MAP6: variants seen among roughly 807,000 people sequenced by gnomAD.
The protein encoded by MAP6 is microtubule-associated protein 6.
MAP6 carries 26 observed loss-of-function variants against 42.4 expected under a neutral mutation model. That is an observed-to-expected ratio of 0.61 (90% CI 0.45 to 0.85). The LOEUF is 0.85. Ranked by LOEUF, MAP6 falls within the 40% of genes least tolerant of loss-of-function variation. MAP6 has a pLI of 0.00. For missense variants in MAP6, 966 were observed against 1,099.0 expected (o/e 0.88, Z 1.71); for synonymous variants, 418 against 443.8 (o/e 0.94, Z 0.73).
Position 75,587,075 on chromosome 11 carries a change from A to G in MAP6, c.2426T>C (p.Ile809Thr). ...MIPTAPHTEY[I>T]ESSP Reference sequence around the variant, plus strand: ...GGGTGAGTGTCAAGGGGAGCTCTCAATGTATTCCGTATGGGGGGCAGTTGG... The same window carrying G: ...GGGTGAGTGTCAAGGGGAGCTCTCAGTGTATTCCGTATGGGGGGCAGTTGG... Residue 809 changes from isoleucine to threonine, a missense_variant, in exon 4 of 4, where the codon ATT (isoleucine) becomes ACT (threonine). Physicochemically the swap from Ile to Thr is moderately conservative, Grantham distance 89 (BLOSUM62 -1). This residue lies in a region of MAP6 where 943 missense variants were observed against 1,049.9 expected (regional missense o/e 0.90). Coordinates refer to ENST00000304771, the MANE Select transcript of MAP6 (RefSeq NM_033063.2). 2 of 1,592,852 alleles carry G rather than the reference A, an allele frequency of 1.3e-6. No homozygotes were observed. The highest frequency in any genetic ancestry group is 1.7e-6 in the Non-Finnish European group (2 of 1,167,186).
Position 75,667,841 on chromosome 11 carries a change from G to A in MAP6, c.529C>T (p.Pro177Ser). The part of the protein sequence containing the change: ...RRGDHPWIPK[P>S]VQISAASQAS... ...TGGGAGGCCGCAGAGATCTGCACGG[G>A]CTTGGGGATCCACGGGTGGTCCCCG... is the stretch of plus-strand genomic sequence containing the variant. The change falls in exon 1 of 4, where the codon CCC becomes TCC. Residue 177 changes from proline (P) to serine (S), a missense_variant. Transcript: ENST00000304771. This position sits in a 1 kb window ranked among gnomAD's most constrained non-coding sequence, Gnocchi z 5.6. 2 of 1,420,638 alleles carry A rather than the reference G, an allele frequency of 1.4e-6. No individual in the cohort carries two copies. Among genetic ancestry groups the A allele is most frequent in the Non-Finnish European group, 1.8e-6 (2 of 1,083,448 alleles). The allele number at this position is 1,420,638 out of a possible 1,614,324, so 88.0% of individuals were successfully genotyped here.
At chr11:75,631,329 A>T (rs949819825) in intron 1 of MAP6, among the ~76,000 whole-genome samples, 1 of 152,202 alleles carries the variant, frequency 6.6e-6, no homozygotes, top group Non-Finnish European at 1.5e-5. Context: ...TAACTTCAAG[A>T]ACTACCCTCC....
Position 75,617,569 on chromosome 11 carries a change from T to C in MAP6, c.906-9247A>G, listed in dbSNP as rs959846093. Among the ~76,000 whole-genome samples, 68 of 150,726 alleles carry C rather than the reference T, an allele frequency of 4.5e-4. 1 individual carries two copies. The highest frequency in any genetic ancestry group is 9.1e-4 in the Non-Finnish European group (62 of 67,770). Reference sequence around the variant, plus strand: ...CAAAAACTCAAACTAGGAGTCAGTTTGATTCTACACAAATTAATTTCAATT... The same window carrying C: ...CAAAAACTCAAACTAGGAGTCAGTTCGATTCTACACAAATTAATTTCAATT... On this transcript the variant is annotated intron_variant, in intron 1 of 3. Coordinates refer to ENST00000304771, the MANE Select transcript of MAP6 (RefSeq NM_033063.2).
At chr11:75,618,893 C>T (rs533920490) in intron 1 of MAP6, among the ~76,000 whole-genome samples, 62 of 152,348 alleles carry the variant, frequency 4.1e-4, no homozygotes, top group Non-Finnish European at 5.9e-4. Context: ...TGGGACCCCT[C>T]GGCCACTGCC....
At chr11:75,613,226 A>G (rs1391508773) in intron 1 of MAP6, among the ~76,000 whole-genome samples, 1 of 150,966 alleles carries the variant, frequency 6.6e-6, no homozygotes, top group East Asian at 2.0e-4. Flanking sequence ...TGGTCAGCTG[A>G]TGTCACCTCC....
intron 1 of MAP6, 65 bp from the exon 2 acceptor site, chr11:75,608,387 C>T: frequency 7.5e-7 from 1 of 1,333,702 alleles, no homozygotes; most frequent in Non-Finnish European, 1.1e-6. Flanking sequence ...GCTCCTGACA[C>T]AGGGCTGCAA....
intron 3 of MAP6, among the ~76,000 whole-genome samples, chr11:75,598,035 C>T (rs1052662547): frequency 3.9e-5 from 6 of 152,332 alleles, no homozygotes; most frequent in East Asian, 1.9e-4. Flanking sequence ...GGGCCCTCAC[C>T]GCAGGCCTGG....
chr11:75,653,405 A>C (rs1026858481), intron 1 of MAP6, among the ~76,000 whole-genome samples: 1 of 152,216 alleles, frequency 6.6e-6, no homozygotes, highest in Non-Finnish European at 1.5e-5. Context: ...CTTGGCTAGC[A>C]AGTCATCACA....
intron 1 of MAP6, among the ~76,000 whole-genome samples, chr11:75,611,674 A>C (rs891741102): frequency 6.6e-6 from 1 of 152,222 alleles, no homozygotes; most frequent in Non-Finnish European, 1.5e-5. Flanking sequence ...CTCTCCATAA[A>C]ACCTTCTCTA....
At chr11:75,653,168 CGA>C (rs1220737916) in intron 1 of MAP6, among the ~76,000 whole-genome samples, 2 of 152,120 alleles carry the variant, frequency 1.3e-5, no homozygotes, top group African/African-American at 2.4e-5. Context: ...ATTCACTCGC[CGA>C]GAGTCATTCT....
intron 1 of MAP6, among the ~76,000 whole-genome samples, chr11:75,622,929 G>A (rs1943133728): frequency 6.6e-6 from 1 of 152,170 alleles, no homozygotes; most frequent in Non-Finnish European, 1.5e-5. Context: ...TAGCTTGAAA[G>A]CATCCATGTG....
intron 1 of MAP6, among the ~76,000 whole-genome samples, chr11:75,648,441 T>A (rs553022227): frequency 1.3e-5 from 2 of 152,242 alleles, no homozygotes; most frequent in South Asian, 4.1e-4. Flanking sequence ...GAAACACAAA[T>A]GAGCTGTGAT....
chr11:75,621,851 C>T (rs183968357), intron 1 of MAP6, among the ~76,000 whole-genome samples: 27 of 152,132 alleles, frequency 1.8e-4, no homozygotes, highest in African/African-American at 6.0e-4. Context: ...GGGGAAACCT[C>T]GTCTCTACTA....
chr11:75,605,869 T>C lies in MAP6; in HGVS notation c.1255A>G (p.Thr419Ala), dbSNP rs369673637. 1 of 1,614,040 alleles carries C rather than the reference T, an allele frequency of 6.2e-7. No homozygotes were observed. The highest frequency in any genetic ancestry group is 1.3e-5 in the African/African-American group (1 of 74,912). The change falls in exon 3 of 4, where the codon ACC (threonine) becomes GCC (alanine). Residue 419 changes from threonine (T) to alanine (A), a missense_variant. Physicochemically the swap from Thr to Ala is moderately conservative, Grantham distance 58. Coordinates refer to ENST00000304771, the MANE Select transcript of MAP6 (RefSeq NM_033063.2). ...CTTTGCTCCTTGTCGTCTGGCTTGGTGGTACTCGGGCCCTCCGCGCTCTTT... is the reference window on the plus strand; with the variant it reads ...CTTTGCTCCTTGTCGTCTGGCTTGGCGGTACTCGGGCCCTCCGCGCTCTTT... ...KKKSAEGPST[T>A]KPDDKEQSKE...
intron 1 of MAP6, among the ~76,000 whole-genome samples, chr11:75,639,797 C>T (rs1046294933): frequency 1.3e-5 from 2 of 152,092 alleles, no homozygotes; most frequent in Admixed American, 6.5e-5. Context: ...GAGACAGACA[C>T]ACACACAGAG....
rs186479998 is a variant in MAP6, at chr11:75,633,596, A to T, written c.906-25274T>A. Among the ~76,000 whole-genome samples the T allele has an allele frequency of 1.6e-3, 242 of 152,306 alleles. 1 individual carries two copies. The highest frequency in any genetic ancestry group is 5.4e-3 in the African/African-American group (224 of 41,568). On this transcript the variant is annotated intron_variant, in intron 1 of 3. Coordinates refer to ENST00000304771, the MANE Select transcript of MAP6 (RefSeq NM_033063.2). The stretch of plus-strand genomic sequence containing the variant: ...GTGGTGGGAAGTTCCAACAAGAATA[A>T]TAAAGGTGACAGAGAGTCACATGTG...
intron 1 of MAP6, among the ~76,000 whole-genome samples, chr11:75,623,143 A>G (rs1943136979): frequency 6.6e-6 from 1 of 152,256 alleles, no homozygotes; most frequent in Non-Finnish European, 1.5e-5. Context: ...GTATCCATAT[A>G]ATGGAATACT....
At chr11:75,654,208 A>C (rs1304982259) in intron 1 of MAP6, among the ~76,000 whole-genome samples, 1 of 152,234 alleles carries the variant, frequency 6.6e-6, no homozygotes, top group Non-Finnish European at 1.5e-5. Flanking sequence ...AATACATGGT[A>C]AGCAGGACTT....
At chr11:75,650,408 T>G (rs568359316) in intron 1 of MAP6, among the ~76,000 whole-genome samples, 1 of 152,342 alleles carries the variant, frequency 6.6e-6, no homozygotes, top group South Asian at 2.1e-4. Context: ...GTACTTTCCC[T>G]GCCAAGCATT....
Sources: allele counts gnomAD v4.1 joint callset (sites outside exome capture counted in the v4.1 genomes callset), GRCh38; gene constraint gnomAD v4.1.1; regional missense constraint gnomAD v4.1.1; non-coding constraint Gnocchi (gnomAD v3.1); transcripts MANE v1.5; gene names NCBI Gene and HGNC (gene_info 2026-07-23, HGNC 2026-07-21).